The following FNDC1 variants were observed in gnomAD, a reference collection of about 807,000 sequenced individuals.
FNDC1 encodes the protein fibronectin type III domain-containing protein 1.
Under a neutral mutation model 168.0 loss-of-function variants are expected in FNDC1, and 96 were observed. The ratio of observed to expected loss-of-function variants is 0.57; its 90% CI spans 0.48 to 0.68. FNDC1 has a LOEUF of 0.68. Ranked by LOEUF, FNDC1 falls within the 30% of genes least tolerant of loss-of-function variation. FNDC1 has a pLI of 0.00. For missense variants in FNDC1, 2,587 were observed against 2,482.1 expected (o/e 1.04, Z -0.90); for synonymous variants, 1,099 against 1,025.9 (o/e 1.07, Z -1.36).
chr6:159,208,135 C>T (rs964442376), intron 4 of FNDC1, among the ~76,000 whole-genome samples: 1 of 152,168 alleles, frequency 6.6e-6, no homozygotes, highest in African/African-American at 2.4e-5. Flanking sequence ...ATCCAGTCCC[C>T]CAAAGAAGCT....
At chr6:159,193,374 T>G (rs1485444544) in intron 1 of FNDC1, among the ~76,000 whole-genome samples, 1 of 152,206 alleles carries the variant, frequency 6.6e-6, no homozygotes. Flanking sequence ...ATGGCCCTTG[T>G]GAGCATTTCA....
In FNDC1 at chr6:159,183,629, C is replaced by T. The variant is rs139368326; in HGVS notation, c.110-13802C>T. Among the ~76,000 whole-genome samples, 1,078 of 152,228 alleles carry T rather than the reference C, an allele frequency of 7.1e-3. 6 individuals carry two copies. Among genetic ancestry groups the T allele is most frequent in the Non-Finnish European group, 0.011 (746 of 68,022 alleles). On this transcript the variant is annotated intron_variant, in intron 1 of 22. Transcript: ENST00000297267. ...CAGAGCTGGGCTCTGCAGTGCTCTACCATTTAGAGTTCTGGCAGAGGAGGA... is the reference window on the plus strand; with the variant it reads ...CAGAGCTGGGCTCTGCAGTGCTCTATCATTTAGAGTTCTGGCAGAGGAGGA...
chr6:159,220,567 G>A (rs561268293), intron 5 of FNDC1, among the ~76,000 whole-genome samples: 1 of 152,202 alleles, frequency 6.6e-6, no homozygotes, highest in African/African-American at 2.4e-5. Context: ...TCACTCAATT[G>A]TTAGGGCTTT....
At chr6:159,248,985 G>C (rs781267078) in intron 15 of FNDC1, 54 bp from the exon 16 acceptor site, 60 of 1,537,400 alleles carry the variant, frequency 3.9e-5, no homozygotes, top group Non-Finnish European at 5.1e-5. Context: ...TTTGACTATA[G>C]ACAGTGCTCC....
intron 1 of FNDC1, among the ~76,000 whole-genome samples, chr6:159,181,485 A>G: frequency 6.6e-6 from 1 of 152,260 alleles, no homozygotes; most frequent in Non-Finnish European, 1.5e-5. Context: ...CTCTGGGGTT[A>G]CAAAGATTTA....
intron 17 of FNDC1, 38 bp from the exon 18 acceptor site, chr6:159,256,485 C>G: frequency 6.8e-7 from 1 of 1,471,284 alleles, no homozygotes; most frequent in Non-Finnish European, 9.5e-7. Context: ...GACTTGGTTC[C>G]TTGGTGTCCA....
chr6:159,197,745 T>C (rs1782281134), intron 2 of FNDC1, 120 bp downstream of exon 2: 2 of 883,546 alleles, frequency 2.3e-6, no homozygotes, highest in Admixed American at 5.8e-5. Context: ...TTACGGTTCT[T>C]TGGGAATGGA....
rs766624671 is a variant in FNDC1, at chr6:159,236,211, G to C, written c.3968-4G>C. On this transcript the variant is annotated splice_polypyrimidine_tract_variant and splice_region_variant and intron_variant, in intron 11 of 22. Coordinates refer to ENST00000297267, the MANE Select transcript of FNDC1 (RefSeq NM_032532.3). ...CTGTTATTTTTATTTTTGGTACTGT[G>C]TAGGTTATAATGGCAGACCAAATGT... is the stretch of plus-strand genomic sequence containing the variant. 3.7e-6 allele frequency: 6 copies of C among 1,607,876 alleles called. No homozygotes were observed. The Admixed American group carries it at 8.3e-5, about 22-fold the overall frequency.
chr6:159,269,929 C>T (rs1482784970), intron 22 of FNDC1, among the ~76,000 whole-genome samples: 1 of 152,200 alleles, frequency 6.6e-6, no homozygotes, highest in Non-Finnish European at 1.5e-5. Context: ...GTGGCTCACA[C>T]CTGTAATCCC....
intron 19 of FNDC1, among the ~76,000 whole-genome samples, chr6:159,264,466 G>T (rs912804224): frequency 6.6e-6 from 1 of 152,208 alleles, no homozygotes; most frequent in African/African-American, 2.4e-5. Context: ...CTGTGCTACA[G>T]TTTGTTTACC....
At chr6:159,181,485 A>C (rs562028260) in intron 1 of FNDC1, among the ~76,000 whole-genome samples, 217 of 152,378 alleles carry the variant, frequency 1.4e-3, no homozygotes, top group Non-Finnish European at 2.5e-3. Context: ...CTCTGGGGTT[A>C]CAAAGATTTA....
At position 159,251,465 on chromosome 6, in the gene FNDC1, C is replaced by G. The variant is rs141668068; in HGVS notation, c.4998C>G (p.Ala1666=). The G allele has an allele frequency of 6.2e-7, 1 of 1,613,910 alleles. No homozygotes were observed. The highest frequency in any genetic ancestry group is 1.7e-5 in the Admixed American group (1 of 60,010). ...CTCCCCGCAACATCACCGTGGTGGC[C>G]GTGGAAGGTTGCCACTCATTTGTCA... ...QHAPRNITVV[A]VEGCHSFVIV... is the part of the protein sequence containing the mutation. The change falls in exon 17 of 23, where the codon GCC becomes GCG. Residue 1666 remains alanine (A), a synonymous_variant. Coordinates refer to ENST00000297267, the MANE Select transcript of FNDC1 (RefSeq NM_032532.3).
chr6:159,253,128 C>G lies in FNDC1; in HGVS notation c.5065+1596C>G, dbSNP rs142306405. 3.3e-5 allele frequency among the ~76,000 whole-genome samples: 5 copies of G among 152,304 alleles called. No homozygotes were observed. In the South Asian group the frequency reaches 6.2e-4, roughly 19 times the overall value. ...GCCCCACCCTGCACCTCATCTGAAA[C>G]GAAACCTCAGAGCCCTAATCATGAG... On this transcript the variant is annotated intron_variant, in intron 17 of 22. Transcript: ENST00000297267.
chr6:159,198,896 C>T (rs1782311706), intron 2 of FNDC1, among the ~76,000 whole-genome samples: 1 of 152,236 alleles, frequency 6.6e-6, no homozygotes, highest in Non-Finnish European at 1.5e-5. Context: ...GCAGGTCGTG[C>T]CAAACCCTGA....
At position 159,229,860 on chromosome 6, in the gene FNDC1, A is replaced by G; in HGVS notation, c.1226A>G (p.Lys409Arg). 6.2e-7 allele frequency: 1 copy of G among 1,613,554 alleles called. No individual in the cohort carries two copies. Among genetic ancestry groups the G allele is most frequent in the Non-Finnish European group, 8.5e-7 (1 of 1,179,618 alleles). The change falls in exon 10 of 23, where the codon AAG becomes AGG. Residue 409 changes from lysine (K) to arginine (R), a missense_variant. Coordinates refer to ENST00000297267, the MANE Select transcript of FNDC1 (RefSeq NM_032532.3). ...CCGGCTCTCAAACCATTTGGAGCAAAGTCCCTCACCTATCCTGGAGACACT... is the reference window on the plus strand; with the variant it reads ...CCGGCTCTCAAACCATTTGGAGCAAGGTCCCTCACCTATCCTGGAGACACT... ...YAPALKPFGA[K>R]SLTYPGDTTS...
At chr6:159,197,203 A>T (rs1782261637) in intron 1 of FNDC1, among the ~76,000 whole-genome samples, 1 of 152,172 alleles carries the variant, frequency 6.6e-6, no homozygotes, top group African/African-American at 2.4e-5. Flanking sequence ...TTTTGGTTTA[A>T]ATTTACCACC....
intron 22 of FNDC1, among the ~76,000 whole-genome samples, chr6:159,269,581 G>C (rs56301262): frequency 1.9e-5 from 2 of 105,008 alleles, no homozygotes; most frequent in Non-Finnish European, 3.8e-5. Context: ...TATCCTATCT[G>C]TCTGTCTGTC....
intron 1 of FNDC1, among the ~76,000 whole-genome samples, chr6:159,188,357 C>T (rs965799186): frequency 1.4e-5 from 2 of 138,546 alleles, no homozygotes; most frequent in Non-Finnish European, 3.0e-5. Context: ...TGGTATCTGC[C>T]TCAATTTCTT....
rs1432940530 is a variant in FNDC1, at chr6:159,233,869, A to T, written c.3357A>T (p.Ala1119=). Residue 1119 remains alanine, a synonymous_variant, in exon 11 of 23, where the codon GCA becomes GCT. Coordinates refer to ENST00000297267, the MANE Select transcript of FNDC1 (RefSeq NM_032532.3). This position sits in a 1 kb window ranked among gnomAD's most constrained non-coding sequence, Gnocchi z 4.6. ...AGCAGGTGGAGTCTCCCACAGGCGC[A>T]GGGGCAGGTGGCGACCACAGGTCCC... is the stretch of plus-strand genomic sequence containing the variant. The part of the protein sequence containing the change: ...KHQQVESPTG[A]GAGGDHRSQR... The T allele has an allele frequency of 2.6e-6, 4 of 1,546,932 alleles. No individual in the cohort carries two copies. The highest frequency in any genetic ancestry group is 3.5e-6 in the Non-Finnish European group (4 of 1,145,210).
Sources: allele counts gnomAD v4.1 joint callset (sites outside exome capture counted in the v4.1 genomes callset), GRCh38; gene constraint gnomAD v4.1.1; non-coding constraint Gnocchi (gnomAD v3.1); transcripts MANE v1.5; gene names NCBI Gene and HGNC (gene_info 2026-07-23, HGNC 2026-07-21).